TMEM60: variants seen among roughly 807,000 people sequenced by gnomAD.
TMEM60 encodes transmembrane protein 60.
A neutral mutation model predicts 10.7 loss-of-function variants in TMEM60; 4 were observed. That is an observed-to-expected ratio of 0.37 (90% CI 0.18 to 0.86). The LOEUF (loss-of-function observed/expected upper bound fraction) is 0.86, where lower values mean the gene tolerates loss of function less well. Among genes scored for constraint, TMEM60 ranks in the 40% least tolerant of loss-of-function variants. The pLI, the probability that TMEM60 is intolerant of heterozygous loss-of-function variation, is 0.43. For missense variants in TMEM60, 128 were observed against 153.4 expected (o/e 0.83, Z 0.88); for synonymous variants, 56 against 58.1 (o/e 0.96, Z 0.17).
intron 1 of TMEM60, among the ~76,000 whole-genome samples, chr7:77,796,060 C>A (rs1792164382): frequency 6.6e-6 from 1 of 151,958 alleles, no homozygotes; most frequent in Non-Finnish European, 1.5e-5. Flanking sequence ...ACTTAAGTTT[C>A]CCAAGTAGCT....
rs1486064019 is a variant in TMEM60 at position 77,794,406 on chromosome 7, G to GA, written c.-34dup. ...GTTTAAAGAGGCTGTTGCAGGATCG[G>GA]AAAAAAGGAAATATACCCTAAGAGA... On this transcript the variant is annotated 5_prime_UTR_variant, in exon 2 of 2. Transcript: ENST00000257663. 1.4e-6 allele frequency: 2 copies of GA among 1,447,584 alleles called. No homozygotes were observed. The highest frequency in any genetic ancestry group is 1.4e-5 in the African/African-American group (1 of 69,366). The allele number at this position is 1,447,584 out of a possible 1,614,324, so 89.7% of individuals were successfully genotyped here. A position where few individuals can be genotyped will look rare whatever the true frequency, so the allele number is the denominator to read the frequency against.
intron 1 of TMEM60, among the ~76,000 whole-genome samples, chr7:77,795,108 TG>T (rs1792154207): frequency 6.6e-6 from 1 of 152,148 alleles, no homozygotes; most frequent in Non-Finnish European, 1.5e-5. Flanking sequence ...GAGTGCCCCG[TG>T]AGATCATGCC....
intron 1 of TMEM60, among the ~76,000 whole-genome samples, chr7:77,795,087 G>A (rs573200666): frequency 6.6e-5 from 10 of 152,216 alleles, no homozygotes; most frequent in Non-Finnish European, 7.3e-5. Context: ...CCAGGAGGTC[G>A]AGGCCGCAGT....
In TMEM60 at chr7:77,793,886, C is replaced by G. The variant is rs1584314259; in HGVS notation, c.*86G>C. The G allele has an allele frequency of 7.1e-7, 1 of 1,404,922 alleles. No homozygotes were observed. The highest frequency in any genetic ancestry group is 2.5e-5 in the East Asian group (1 of 40,744). 87.0% of individuals were successfully genotyped at this position (1,404,922 alleles called of 1,614,324 possible). On this transcript the variant is annotated 3_prime_UTR_variant, in exon 2 of 2. Coordinates refer to ENST00000257663, the MANE Select transcript of TMEM60 (RefSeq NM_032936.4). Reference sequence around the variant, plus strand: ...ACATTTGGTATTTTCCCTCAGTTCTCTGGTATTCTTGAAGCTTGACAGATT... The same window carrying G: ...ACATTTGGTATTTTCCCTCAGTTCTGTGGTATTCTTGAAGCTTGACAGATT...
chr7:77,795,186 G>A lies in TMEM60; in HGVS notation c.-50-763C>T, dbSNP rs191842853. On this transcript the variant is annotated intron_variant, in intron 1 of 1. Coordinates refer to ENST00000257663, the MANE Select transcript of TMEM60 (RefSeq NM_032936.4). ...ATCAGTCAATCCATCAATAAAAGGA[G>A]GGAATGGTTAATAAAAATCACAAGA... is the stretch of plus-strand genomic sequence containing the variant. Among the ~76,000 whole-genome samples, 503 of 150,598 alleles carry A rather than the reference G, an allele frequency of 3.3e-3. 1 individual carries two copies. Among genetic ancestry groups the A allele is most frequent in the Non-Finnish European group, 3.8e-3 (257 of 67,992 alleles).
intron 1 of TMEM60, among the ~76,000 whole-genome samples, chr7:77,796,645 G>C (rs1197209119): frequency 6.6e-6 from 1 of 152,158 alleles, no homozygotes; most frequent in African/African-American, 2.4e-5. Flanking sequence ...ATAAGCCAAT[G>C]GGGAATGACA....
chr7:77,794,404 C>T lies in TMEM60; in HGVS notation c.-31G>A, dbSNP rs202006268. ...CAGTTTAAAGAGGCTGTTGCAGGAT[C>T]GGAAAAAAGGAAATATACCCTAAGA... On this transcript the variant is annotated 5_prime_UTR_variant, in exon 2 of 2. Coordinates refer to ENST00000257663, the MANE Select transcript of TMEM60 (RefSeq NM_032936.4). The T allele has an allele frequency of 8.4e-6, 12 of 1,424,692 alleles. No homozygotes were observed. The highest frequency in any genetic ancestry group is 2.7e-5 in the Admixed American group (1 of 37,166). The allele number at this position is 1,424,692 out of a possible 1,614,324, so 88.3% of individuals were successfully genotyped here.
chr7:77,796,729 C>T (rs1379991170), intron 1 of TMEM60, among the ~76,000 whole-genome samples: 2 of 152,054 alleles, frequency 1.3e-5, no homozygotes, highest in African/African-American at 2.4e-5. Context: ...CAAAAGCATG[C>T]GTGGTAGGAG....
rs1210406918 is a variant in TMEM60, at chr7:77,793,946, T to C, written c.*26A>G. ...TTAATGGTAACTTGTTGAACAGCAA[T>C]AGAAAGGAGATGATGTACTTAGAAG... is the stretch of plus-strand genomic sequence containing the variant. On this transcript the variant is annotated 3_prime_UTR_variant, in exon 2 of 2. Transcript: ENST00000257663. 5.3e-6 allele frequency: 8 copies of C among 1,520,460 alleles called. 1 individual carries two copies. Among genetic ancestry groups the C allele is most frequent in the Admixed American group, 4.5e-5 (2 of 43,964 alleles). 94.2% of individuals were successfully genotyped at this position (1,520,460 alleles called of 1,614,324 possible).
Position 77,793,904 on chromosome 7 carries a change from G to T in TMEM60, c.*68C>A. The T allele has an allele frequency of 6.9e-7, 1 of 1,445,392 alleles. No individual in the cohort carries two copies. Among genetic ancestry groups the T allele is most frequent in the South Asian group, 1.6e-5 (1 of 61,088 alleles). 89.5% of individuals were successfully genotyped at this position (1,445,392 alleles called of 1,614,324 possible). A position where few individuals can be genotyped will look rare whatever the true frequency, so the allele number is the denominator to read the frequency against. ...CAGTTCTCTGGTATTCTTGAAGCTT[G>T]ACAGATTCAGAACACTTTAATGGTA... is the stretch of plus-strand genomic sequence containing the variant. On this transcript the variant is annotated 3_prime_UTR_variant, in exon 2 of 2. Coordinates refer to ENST00000257663, the MANE Select transcript of TMEM60 (RefSeq NM_032936.4).
At chr7:77,796,857 TCTA>T (rs1792177437) in intron 1 of TMEM60, among the ~76,000 whole-genome samples, 1 of 152,238 alleles carries the variant, frequency 6.6e-6, no homozygotes, top group South Asian at 2.1e-4. Context: ...GTGCAACATC[TCTA>T]CTACTTTAAA....
rs1792145811 is a variant in TMEM60, at chr7:77,794,316, A to C, written c.58T>G (p.Leu20Val). Residue 20 changes from leucine (L) to valine (V), a missense_variant, in exon 2 of 2, where the codon TTG becomes GTG. Physicochemically the swap from Leu to Val is conservative, Grantham distance 32. Transcript: ENST00000257663. ...TCCAGTTTCAACACCAACATGATCA[A>C]GAAGAGTAGTGTGAAAAGCCAGGTG... ...LLTWLFTLLFLIMLVLKLDEK... is the reference protein window; with the variant it reads ...LLTWLFTLLFVIMLVLKLDEK... 2 of 1,609,200 alleles carry C rather than the reference A, an allele frequency of 1.2e-6. No homozygotes were observed. The highest frequency in any genetic ancestry group is 1.7e-6 in the Non-Finnish European group (2 of 1,178,138).
At position 77,794,004 on chromosome 7, in the gene TMEM60, G is replaced by T. The variant is rs1390251283; in HGVS notation, c.370C>A (p.Leu124Ile). The change falls in exon 2 of 2, where the codon CTC becomes ATC. Residue 124 changes from leucine (L) to isoleucine (I), a missense_variant. By Grantham distance (5) the Leu-to-Ile change is conservative (BLOSUM62 2). Transcript: ENST00000257663. ...CTCACAAAAAAGACATTATATCCGA[G>T]TTCTGTTAAAGCCCCAGCCAGCAAG... The part of the protein sequence containing the change: ...WALLAGALTE[L>I]GYNVFFVRD The T allele has an allele frequency of 1.3e-6, 2 of 1,587,514 alleles. No individual in the cohort carries two copies. The highest frequency in any genetic ancestry group is 2.7e-5 in the African/African-American group (2 of 73,162).
intron 1 of TMEM60, among the ~76,000 whole-genome samples, chr7:77,797,797 G>A (rs1044488280): frequency 6.6e-6 from 1 of 152,178 alleles, no homozygotes; most frequent in African/African-American, 2.4e-5. Flanking sequence ...GCCACTGCCA[G>A]TAGTCTACCA....
chr7:77,793,843 T>G lies in TMEM60; in HGVS notation c.*129A>C. On this transcript the variant is annotated 3_prime_UTR_variant, in exon 2 of 2. Coordinates refer to ENST00000257663, the MANE Select transcript of TMEM60 (RefSeq NM_032936.4). Reference sequence around the variant, plus strand: ...TCCGTGATTCACCAATCCTGTTTTATGGAAGTAGTATAAAACTACATTTGG... The same window carrying G: ...TCCGTGATTCACCAATCCTGTTTTAGGGAAGTAGTATAAAACTACATTTGG... 1 of 1,023,920 alleles carries G rather than the reference T, an allele frequency of 9.8e-7. No individual in the cohort carries two copies. 63.4% of individuals were successfully genotyped at this position (1,023,920 alleles called of 1,614,324 possible).
chr7:77,795,502 G>T (rs1792158613), intron 1 of TMEM60, among the ~76,000 whole-genome samples: 1 of 139,064 alleles, frequency 7.2e-6, no homozygotes, highest in Non-Finnish European at 1.6e-5. Flanking sequence ...CGATGGGAGT[G>T]AGACCACTGT....
At chr7:77,794,865 G>T (rs1345405616) in intron 1 of TMEM60, among the ~76,000 whole-genome samples, 1 of 152,162 alleles carries the variant, frequency 6.6e-6, no homozygotes, top group Non-Finnish European at 1.5e-5. Context: ...AGTTTTAAAA[G>T]AAGGGAATGG....
chr7:77,794,128 A>T lies in TMEM60; in HGVS notation c.246T>A (p.Ile82=). ...AGAAGGCTAATTTAAGTAACATTGC[A>T]ATGAGGTACCAGGCTTTTTTTTTAA... The part of the protein sequence containing the change: ...HNIKKKAWYL[I]AMLLKLAFCL... Residue 82 remains isoleucine, a synonymous_variant, in exon 2 of 2, where the codon ATT becomes ATA. Transcript: ENST00000257663. 1 of 1,614,120 alleles carries T rather than the reference A, an allele frequency of 6.2e-7. No homozygotes were observed. The highest frequency in any genetic ancestry group is 8.5e-7 in the Non-Finnish European group (1 of 1,180,038).
At chr7:77,796,730 G>T (rs868440330) in intron 1 of TMEM60, among the ~76,000 whole-genome samples, 1 of 152,198 alleles carries the variant, frequency 6.6e-6, no homozygotes, top group Non-Finnish European at 1.5e-5. Context: ...AAAAGCATGC[G>T]TGGTAGGAGG....
Sources: gnomAD v4.1 joint callset for allele counts (sites outside exome capture counted in the v4.1 genomes callset) on GRCh38, gnomAD v4.1.1 for gene constraint, MANE v1.5 for transcripts, NCBI Gene and HGNC (gene_info 2026-07-23, HGNC 2026-07-21) for gene names.